ASH1L: variants seen among roughly 807,000 people sequenced by gnomAD.
The protein encoded by ASH1L is histone-lysine N-methyltransferase ASH1L.
In ASH1L, 23 loss-of-function variants were observed where a neutral mutation model predicts 269.0. The ratio of observed to expected loss-of-function variants is 0.09; its 90% CI spans 0.06 to 0.12. ASH1L has a LOEUF of 0.12. Ranked by LOEUF, ASH1L falls within the 10% of genes least tolerant of loss-of-function variation. The pLI is 1.00. For missense variants in ASH1L, 2,912 were observed against 3,567.8 expected (o/e 0.82, Z 4.68); for synonymous variants, 1,187 against 1,253.5 (o/e 0.95, Z 1.12).
At position 155,343,060 on chromosome 1, in the gene ASH1L, G is replaced by A. The variant is rs913074981; in HGVS notation, c.8293+254C>T. On this transcript the variant is annotated intron_variant, in intron 24 of 27. Transcript: ENST00000392403. This position sits in a 1 kb window ranked among gnomAD's most constrained non-coding sequence, Gnocchi z 6.1. ...AGGGTTTCATTCTGTTGCACAGGTT[G>A]GAGTGCAGTGGTGCGATCTTGGCTC... is the stretch of plus-strand genomic sequence containing the variant. 8 of 352,056 alleles carry A rather than the reference G, an allele frequency of 2.3e-5. No individual in the cohort carries two copies. Among genetic ancestry groups the A allele is most frequent in the African/African-American group, 1.7e-4 (8 of 47,666 alleles). The allele number at this position is 352,056 out of a possible 1,614,324, so 21.8% of individuals were successfully genotyped here.
intron 6 of ASH1L, among the ~76,000 whole-genome samples, chr1:155,401,251 CG>C (rs945458398): frequency 6.6e-6 from 1 of 151,474 alleles, no homozygotes; most frequent in African/African-American, 2.4e-5. Flanking sequence ...CCAAGGCAGG[CG>C]GATCACTTGA....
chr1:155,430,021 G>C (rs1661484595), intron 5 of ASH1L, among the ~76,000 whole-genome samples: 1 of 151,748 alleles, frequency 6.6e-6, no homozygotes, highest in Non-Finnish European at 1.5e-5. Flanking sequence ...TGTCGCCCAG[G>C]CTGGAGCGCA....
intron 1 of ASH1L, among the ~76,000 whole-genome samples, chr1:155,559,895 C>T (rs1671843005): frequency 6.6e-6 from 1 of 152,110 alleles, no homozygotes; most frequent in South Asian, 2.1e-4. Context: ...TGAAAAAAGA[C>T]AAACCCACTT....
intron 7 of ASH1L, among the ~76,000 whole-genome samples, chr1:155,382,208 A>C (rs1657032600): frequency 1.3e-5 from 2 of 151,518 alleles, no homozygotes; most frequent in African/African-American, 4.8e-5. Flanking sequence ...GTCTCAAAAA[A>C]CCAAACCAGG....
In ASH1L at chr1:155,438,888, T is replaced by C; in HGVS notation, c.5267A>G (p.Asp1756Gly). 1.2e-6 allele frequency: 2 copies of C among 1,614,144 alleles called. No homozygotes were observed. Among genetic ancestry groups the C allele is most frequent in the Non-Finnish European group, 1.7e-6 (2 of 1,180,026 alleles). ...SSSPGRSHSK[D>G]RTLGKPDSLL... ...GCTGTCTGGTTTTCCCAGGGTTCGG[T>C]CCTTGCTGTGGCTACGGCCTGGACT... The change falls in exon 5 of 28, where the codon GAC becomes GGC. Residue 1756 changes from aspartate to glycine, a missense_variant. Physicochemically the swap from Asp to Gly is moderately conservative, Grantham distance 94 (BLOSUM62 -1). Coordinates refer to ENST00000392403, the MANE Select transcript of ASH1L (RefSeq NM_018489.3).
intron 12 of ASH1L, among the ~76,000 whole-genome samples, chr1:155,363,340 A>G (rs1000666873): frequency 6.6e-6 from 1 of 151,970 alleles, no homozygotes; most frequent in African/African-American, 2.4e-5. Flanking sequence ...CAGTGGCGCA[A>G]TCTCAGCTCC....
At chr1:155,503,308 T>G (rs1299980581) in intron 2 of ASH1L, among the ~76,000 whole-genome samples, 1 of 138,566 alleles carries the variant, frequency 7.2e-6, no homozygotes, top group East Asian at 1.9e-4. Context: ...AATATTCTAG[T>G]GTATCTACCA....
chr1:155,402,448 A>C (rs1048377607), intron 6 of ASH1L, among the ~76,000 whole-genome samples: 1 of 152,228 alleles, frequency 6.6e-6, no homozygotes, highest in African/African-American at 2.4e-5. Context: ...TTTATGCTAA[A>C]AAGTACAGAA....
At chr1:155,508,937 G>A (rs900422654) in intron 2 of ASH1L, among the ~76,000 whole-genome samples, 14 of 152,180 alleles carry the variant, frequency 9.2e-5, no homozygotes, top group Middle Eastern at 3.4e-3. Context: ...TGTCAGTAAC[G>A]TACCCTAACT....
At chr1:155,380,747 C>G (rs182950476) in intron 7 of ASH1L, among the ~76,000 whole-genome samples, 1 of 151,682 alleles carries the variant, frequency 6.6e-6, no homozygotes, top group Non-Finnish European at 1.5e-5. Flanking sequence ...TCTCCTGCCT[C>G]AGCTTCTTGA....
At chr1:155,364,816 C>T (rs575558424) in intron 12 of ASH1L, among the ~76,000 whole-genome samples, 1 of 151,246 alleles carries the variant, frequency 6.6e-6, no homozygotes, top group Non-Finnish European at 1.5e-5. Context: ...GTGGTGTGTG[C>T]CTGTAGTCTC....
chr1:155,482,758 A>C (rs1211626772), intron 2 of ASH1L, among the ~76,000 whole-genome samples: 1 of 152,116 alleles, frequency 6.6e-6, no homozygotes, highest in Admixed American at 6.6e-5. Context: ...CTTTCATCTT[A>C]CTTTTGACTG....
chr1:155,388,715 C>CTTTT (rs142537672), intron 7 of ASH1L, among the ~76,000 whole-genome samples: 3 of 131,690 alleles, frequency 2.3e-5, no homozygotes, highest in Non-Finnish European at 3.1e-5. Context: ...AATTGCGATT[C>CTTTT]TTTTTTTTTT....
chr1:155,527,003 T>G (rs942084480), intron 1 of ASH1L, among the ~76,000 whole-genome samples: 21 of 152,168 alleles, frequency 1.4e-4, no homozygotes, highest in Admixed American at 1.3e-3. Context: ...GGTCAGATAC[T>G]CAAGACCAGC....
intron 2 of ASH1L, among the ~76,000 whole-genome samples, chr1:155,485,736 A>T (rs1666291677): frequency 6.6e-6 from 1 of 152,204 alleles, no homozygotes. Flanking sequence ...AATGCCTACA[A>T]ACATCGACAA....
chr1:155,492,273 C>T (rs1666859305), intron 2 of ASH1L, among the ~76,000 whole-genome samples: 1 of 151,892 alleles, frequency 6.6e-6, no homozygotes, highest in Admixed American at 6.6e-5. Flanking sequence ...GTCTCGAACT[C>T]CCAACCTCAG....
Position 155,562,357 on chromosome 1 carries a change from G to T in ASH1L, c.-304C>A, listed in dbSNP as rs375365643. On this transcript the variant is annotated 5_prime_UTR_variant, in exon 1 of 28. Coordinates refer to ENST00000392403, the MANE Select transcript of ASH1L (RefSeq NM_018489.3). ...AAGGCTAAAGGGGGCAAACTGAGGG[G>T]AGGCGGGTCCCGCAACCGAGACTGG... is the stretch of plus-strand genomic sequence containing the variant. 6.5e-7 allele frequency: 1 copy of T among 1,532,004 alleles called. No individual in the cohort carries two copies. The allele number at this position is 1,532,004 out of a possible 1,614,324, so 94.9% of individuals were successfully genotyped here. A position where few individuals can be genotyped will look rare whatever the true frequency, so the allele number is the denominator to read the frequency against.
rs117594137 is a variant in ASH1L at position 155,364,914 on chromosome 1, C to A, written c.6687-4505G>T. On this transcript the variant is annotated intron_variant, in intron 12 of 27. Coordinates refer to ENST00000392403, the MANE Select transcript of ASH1L (RefSeq NM_018489.3). ...CCAAGATCATACCACTGTACTCCAGCTCTGTCTTAAAAAAAAAAAAAAAAA... is the reference window on the plus strand; with the variant it reads ...CCAAGATCATACCACTGTACTCCAGATCTGTCTTAAAAAAAAAAAAAAAAA... Among the ~76,000 whole-genome samples, 31 of 141,922 alleles carry A rather than the reference C, an allele frequency of 2.2e-4. 1 individual carries two copies. In the East Asian group the frequency reaches 5.8e-3, roughly 27 times the overall value. 93.1% of individuals were successfully genotyped at this position (141,922 alleles called of 152,430 possible).
At chr1:155,359,718 G>A (rs970238025) in intron 13 of ASH1L, among the ~76,000 whole-genome samples, 5 of 152,120 alleles carry the variant, frequency 3.3e-5, no homozygotes, top group African/African-American at 1.2e-4. Flanking sequence ...TGGGACCACA[G>A]GCACATGCGA....
Sources: allele counts gnomAD v4.1 joint callset (sites outside exome capture counted in the v4.1 genomes callset), GRCh38; gene constraint gnomAD v4.1.1; non-coding constraint Gnocchi (gnomAD v3.1); transcripts MANE v1.5; gene names NCBI Gene and HGNC (gene_info 2026-07-23, HGNC 2026-07-21).